SLC25A26: variants seen among roughly 807,000 people sequenced by gnomAD.
SLC25A26 encodes the protein mitochondrial S-adenosylmethionine carrier protein.
Under a neutral mutation model 37.8 loss-of-function variants are expected in SLC25A26, and 36 were observed. The observed-to-expected ratio is 0.95, with a 90% confidence interval of 0.73 to 1.26. SLC25A26 has a LOEUF of 1.26. SLC25A26 is among the 50% of genes most tolerant of loss of function. SLC25A26 has a pLI of 0.00. For synonymous variants in SLC25A26, 129 were observed against 122.5 expected (o/e 1.05, Z -0.35); for missense variants, 390 against 331.1 (o/e 1.18, Z -1.38).
At chr3:66,349,944 G>A (rs2076411902) in intron 6 of SLC25A26, among the ~76,000 whole-genome samples, 1 of 152,098 alleles carries the variant, frequency 6.6e-6, no homozygotes, top group East Asian at 1.9e-4. Context: ...TTAATTTCTA[G>A]TTCCCTCATG....
At chr3:66,168,697 A>G (rs2070457391) in intron 1 of SLC25A26, among the ~76,000 whole-genome samples, 1 of 152,218 alleles carries the variant, frequency 6.6e-6, no homozygotes, top group Non-Finnish European at 1.5e-5. Flanking sequence ...GGCAGGATCT[A>G]AAAGATGGGT....
intron 1 of SLC25A26, among the ~76,000 whole-genome samples, chr3:66,170,146 T>C (rs1361784433): frequency 6.6e-6 from 1 of 152,176 alleles, no homozygotes; most frequent in Non-Finnish European, 1.5e-5. Flanking sequence ...TTACTAATAA[T>C]CTATTAAAGA....
chr3:66,283,021 A>C (rs1442888217), intron 5 of SLC25A26, among the ~76,000 whole-genome samples: 1 of 152,190 alleles, frequency 6.6e-6, no homozygotes. Context: ...ATGTATCAAT[A>C]GTTTCTTCCT....
At position 66,166,483 on chromosome 3, in the gene SLC25A26, C is replaced by A. The variant is rs559670287; in HGVS notation, c.-354+32499C>A. Among the ~76,000 whole-genome samples the A allele has an allele frequency of 7.9e-5, 12 of 152,232 alleles. 1 individual carries two copies. The highest frequency in any genetic ancestry group is 2.9e-4 in the African/African-American group (12 of 41,552). The stretch of plus-strand genomic sequence containing the variant: ...GATCTTGTAACAGATAGTTTTACTT[C>A]GATGTGAATTTAATTCATTGTGTTA... On this transcript the variant is annotated intron_variant, in intron 1 of 10. Transcript: ENST00000676754.
chr3:66,322,241 T>G (rs536011820), intron 5 of SLC25A26, among the ~76,000 whole-genome samples: 1 of 152,212 alleles, frequency 6.6e-6, no homozygotes, highest in Non-Finnish European at 1.5e-5. Flanking sequence ...TTGTTATTAA[T>G]TCACTAGTTT....
chr3:66,304,645 C>A, intron 5 of SLC25A26: 1 of 305,834 alleles, frequency 3.3e-6, no homozygotes, highest in South Asian at 2.9e-5. Flanking sequence ...ATTGAGGATT[C>A]GTTGTTCACT....
At chr3:66,155,053 T>A (rs1432636674) in intron 1 of SLC25A26, among the ~76,000 whole-genome samples, 7 of 152,250 alleles carry the variant, frequency 4.6e-5, no homozygotes, top group Admixed American at 1.3e-4. Context: ...GCTACAAAGT[T>A]AAATTCATTA....
intron 1 of SLC25A26, among the ~76,000 whole-genome samples, chr3:66,135,544 G>T (rs562101294): frequency 6.6e-6 from 1 of 152,350 alleles, no homozygotes; most frequent in East Asian, 1.9e-4. Flanking sequence ...AAGGCAGGTA[G>T]ATTGCTTGAG....
chr3:66,170,015 C>T (rs145816350), intron 1 of SLC25A26, among the ~76,000 whole-genome samples: 89 of 152,244 alleles, frequency 5.8e-4, no homozygotes, highest in African/African-American at 2.0e-3. Flanking sequence ...GACTCTAACC[C>T]GATTCTGCTC....
intron 3 of SLC25A26, among the ~76,000 whole-genome samples, chr3:66,257,799 C>A (rs540126333): frequency 6.6e-6 from 1 of 152,274 alleles, no homozygotes; most frequent in South Asian, 2.1e-4. Flanking sequence ...CGGTAGTGTA[C>A]ACTTGCTCAT....
intron 3 of SLC25A26, among the ~76,000 whole-genome samples, chr3:66,244,169 A>C (rs546941360): frequency 6.6e-6 from 1 of 152,196 alleles, no homozygotes; most frequent in Non-Finnish European, 1.5e-5. Flanking sequence ...ATGAAACCCT[A>C]ATACTAATTG....
chr3:66,356,060 A>G (rs1218130381), intron 6 of SLC25A26: 1 of 456,218 alleles, frequency 2.2e-6, no homozygotes, highest in Non-Finnish European at 4.4e-6. Context: ...GCTTTTGAAT[A>G]GAGCAGCTAA....
At chr3:66,215,764 C>G (rs1433901532) in intron 1 of SLC25A26, among the ~76,000 whole-genome samples, 1 of 152,080 alleles carries the variant, frequency 6.6e-6, no homozygotes, top group Non-Finnish European at 1.5e-5. Flanking sequence ...TATTTACTAC[C>G]CTTTGCAGAT....
intron 1 of SLC25A26, among the ~76,000 whole-genome samples, chr3:66,176,019 AAAAAAATTTCCTTTAATAAT>A (rs2070581365): frequency 6.6e-6 from 1 of 152,230 alleles, no homozygotes; most frequent in African/African-American, 2.4e-5. Flanking sequence ...TTAAATTAAA[AAAAAAATTTCCTTTAATAAT>A]TAGAAAACCA....
chr3:66,319,092 C>T (rs1359913426), intron 5 of SLC25A26, among the ~76,000 whole-genome samples: 1 of 152,158 alleles, frequency 6.6e-6, no homozygotes, highest in Non-Finnish European at 1.5e-5. Context: ...TCACAGCCAT[C>T]CTTGAGAAAC....
chr3:66,249,101 G>A (rs941574147), intron 3 of SLC25A26, among the ~76,000 whole-genome samples: 1 of 152,158 alleles, frequency 6.6e-6, no homozygotes, highest in East Asian at 1.9e-4. Flanking sequence ...TATTCTTTCT[G>A]TTCTCCTCAA....
intron 5 of SLC25A26, among the ~76,000 whole-genome samples, chr3:66,339,945 A>G (rs2076171280): frequency 6.6e-6 from 1 of 152,018 alleles, no homozygotes. Context: ...ATCTAATGTT[A>G]TGAAGATTTT....
chr3:66,314,814 C>T (rs2075486482), intron 5 of SLC25A26, among the ~76,000 whole-genome samples: 1 of 150,066 alleles, frequency 6.7e-6, no homozygotes, highest in South Asian at 2.1e-4. Context: ...GGTTATTGGT[C>T]TAGTCAGAGA....
intron 5 of SLC25A26, among the ~76,000 whole-genome samples, chr3:66,299,911 C>T (rs974019885): frequency 1.3e-5 from 2 of 152,102 alleles, no homozygotes; most frequent in African/African-American, 4.8e-5. Context: ...ATTTGGCTAT[C>T]TCTGGGCAAA....
Sources: gnomAD v4.1 joint callset for allele counts (sites outside exome capture counted in the v4.1 genomes callset) on GRCh38, gnomAD v4.1.1 for gene constraint, MANE v1.5 for transcripts, NCBI Gene and HGNC (gene_info 2026-07-23, HGNC 2026-07-21) for gene names.